The following FUT8 variants were observed in gnomAD, a reference collection of about 807,000 sequenced individuals.
FUT8 encodes the protein fucosyltransferase 8.
FUT8 carries 29 observed loss-of-function variants against 71.3 expected under a neutral mutation model. The observed-to-expected ratio is 0.41, with a 90% CI of 0.30 to 0.55. FUT8 has a LOEUF of 0.55. FUT8 is among the 20% of genes least tolerant of loss of function. FUT8 has a pLI of 0.34. For missense variants in FUT8, 544 were observed against 702.1 expected, an observed-to-expected ratio of 0.77 and a Z score of 2.55; for synonymous variants, 254 against 239.3, an observed-to-expected ratio of 1.06 and a Z score of -0.57.
At chr14:65,499,625 G>A (rs1403037963) in intron 2 of FUT8, among the ~76,000 whole-genome samples, 1 of 151,904 alleles carries the variant, frequency 6.6e-6, no homozygotes, top group Non-Finnish European at 1.5e-5. Flanking sequence ...ATAATTCTGA[G>A]CAACAAGCGA....
intron 2 of FUT8, among the ~76,000 whole-genome samples, chr14:65,518,805 C>T (rs1882886140): frequency 6.6e-6 from 1 of 152,194 alleles, no homozygotes; most frequent in Admixed American, 6.5e-5. Flanking sequence ...TAGGCATGAA[C>T]TACTGTGCCA....
At chr14:65,468,989 G>T (rs1221256496) in intron 2 of FUT8, among the ~76,000 whole-genome samples, 1 of 152,042 alleles carries the variant, frequency 6.6e-6, no homozygotes, top group Non-Finnish European at 1.5e-5. Flanking sequence ...TAGAAACAGG[G>T]TCTCCAATGT....
chr14:65,381,764 A>ACTT, the FUT8 span, among the ~76,000 whole-genome samples: 1 of 152,190 alleles, frequency 6.6e-6, no homozygotes, highest in South Asian at 2.1e-4. Context: ...TCTTCCAATA[A>ACTT]CTTCTTCTCT....
chr14:65,411,557 C>T (rs2065123611), upstream of FUT8: 2 of 172,112 alleles, frequency 1.2e-5, no homozygotes, highest in South Asian at 2.5e-4. Context: ...TGACAGGCCA[C>T]TGCCTCTTAA....
intron 7 of FUT8, among the ~76,000 whole-genome samples, chr14:65,682,353 T>C (rs963336442): frequency 1.3e-5 from 2 of 152,062 alleles, no homozygotes; most frequent in African/African-American, 4.8e-5. Context: ...TAAAATTTTT[T>C]TTAAATTAGC....
At position 65,742,280 on chromosome 14, in the gene FUT8, G is replaced by C; in HGVS notation, c.1598G>C (p.Gly533Ala). 1 of 1,613,072 alleles carries C rather than the reference G, an allele frequency of 6.2e-7. No homozygotes were observed. Among genetic ancestry groups the C allele is most frequent in the South Asian group, 1.1e-5 (1 of 91,060 alleles). Reference protein sequence around the residue: ...MEPGDIIGVAGNHWDGYSKGV... With the variant: ...MEPGDIIGVAANHWDGYSKGV... ...CCTGGAGATATCATTGGTGTGGCTG[G>C]AAATCATTGGGATGGCTATTCTAAA... The change falls in exon 11 of 11, where the codon GGA becomes GCA. Residue 533 changes from glycine to alanine, a missense_variant. Gly to Ala is a moderately conservative substitution (Grantham distance 60). Coordinates refer to ENST00000673929, the MANE Select transcript of FUT8 (RefSeq NM_001371533.1).
intron 3 of FUT8, among the ~76,000 whole-genome samples, chr14:65,615,690 T>A (rs1314947190): frequency 6.6e-6 from 1 of 152,308 alleles, no homozygotes; most frequent in East Asian, 1.9e-4. Context: ...CATGGTACTC[T>A]GGGGATGAAA....
chr14:65,533,019 GT>G (rs1273336196), intron 2 of FUT8, among the ~76,000 whole-genome samples: 1 of 151,920 alleles, frequency 6.6e-6, no homozygotes, highest in Non-Finnish European at 1.5e-5. Flanking sequence ...GTTTTGTTTT[GT>G]TTGTTTACCA....
At chr14:65,542,615 C>T (rs568166984) in intron 2 of FUT8, among the ~76,000 whole-genome samples, 2 of 152,118 alleles carry the variant, frequency 1.3e-5, no homozygotes, top group Non-Finnish European at 2.9e-5. Context: ...GCTTTCATGT[C>T]TCTTGTATGA....
chr14:65,404,194 C>T, the FUT8 span, among the ~76,000 whole-genome samples: 1 of 147,448 alleles, frequency 6.8e-6, no homozygotes, highest in African/African-American at 2.5e-5. Context: ...TTCTTTGAGA[C>T]AGAGTCTCAC....
chr14:65,415,282 T>C (rs1211737202), intron 1 of FUT8, among the ~76,000 whole-genome samples: 1 of 152,170 alleles, frequency 6.6e-6, no homozygotes, highest in Non-Finnish European at 1.5e-5. Flanking sequence ...AAATTTTTAA[T>C]TAAAAGAGTA....
intron 3 of FUT8, among the ~76,000 whole-genome samples, chr14:65,597,647 G>A (rs1040760831): frequency 6.6e-6 from 1 of 151,088 alleles, no homozygotes; most frequent in Non-Finnish European, 1.5e-5. Flanking sequence ...ATAAATAAAA[G>A]AAGAAGAATG....
chr14:65,366,691 G>A, the FUT8 span, among the ~76,000 whole-genome samples: 1 of 152,158 alleles, frequency 6.6e-6, no homozygotes, highest in African/African-American at 2.4e-5. Context: ...TTACTATAGT[G>A]TCGTATCTTA....
Position 65,643,179 on chromosome 14 carries a change from T to A in FUT8, c.597+13573T>A, listed in dbSNP as rs903785920. Among the ~76,000 whole-genome samples, 8 of 152,192 alleles carry A rather than the reference T, an allele frequency of 5.3e-5. No homozygotes were observed. Among genetic ancestry groups the A allele is most frequent in the Admixed American group, 2.0e-4 (3 of 15,276 alleles). ...CCTAATGGTAATGAAGGAATTTTTT[T>A]AATTCCTGAGAGTACACTCACTAAG... On this transcript the variant is annotated intron_variant, in intron 6 of 10. Coordinates refer to ENST00000673929, the MANE Select transcript of FUT8 (RefSeq NM_001371533.1). This position sits in a 1 kb window ranked among gnomAD's most constrained non-coding sequence, Gnocchi z 4.5.
intron 5 of FUT8, among the ~76,000 whole-genome samples, chr14:65,623,980 A>C (rs375560953): frequency 2.0e-5 from 3 of 152,148 alleles, no homozygotes; most frequent in Admixed American, 1.3e-4. Flanking sequence ...GAGTTACTGA[A>C]AACCCAGGGC....
At chr14:65,606,197 C>A (rs573229359) in intron 3 of FUT8, among the ~76,000 whole-genome samples, 3 of 151,144 alleles carry the variant, frequency 2.0e-5, no homozygotes, top group Non-Finnish European at 4.4e-5. Context: ...CTCAGCCTCC[C>A]GAGTAGTTGG....
chr14:65,618,278 G>A (rs1309928078), intron 5 of FUT8, among the ~76,000 whole-genome samples: 11 of 151,570 alleles, frequency 7.3e-5, no homozygotes, highest in Non-Finnish European at 1.5e-5. Flanking sequence ...TATGTTTTGT[G>A]ACCATATGTA....
intron 3 of FUT8, among the ~76,000 whole-genome samples, chr14:65,590,117 T>G (rs1887610971): frequency 6.6e-6 from 1 of 152,188 alleles, no homozygotes; most frequent in Non-Finnish European, 1.5e-5. Flanking sequence ...GCATTTTTTT[T>G]GTTGAGAGCT....
chr14:65,495,796 G>A (rs1594699207), intron 2 of FUT8, among the ~76,000 whole-genome samples: 2 of 152,208 alleles, frequency 1.3e-5, no homozygotes, highest in East Asian at 1.9e-4. Flanking sequence ...TGTTGTGAAT[G>A]TAGTCTTGGT....
Sources: gnomAD v4.1 joint callset for allele counts (sites outside exome capture counted in the v4.1 genomes callset) on GRCh38, gnomAD v4.1.1 for gene constraint, Gnocchi (gnomAD v3.1) non-coding constraint, MANE v1.5 for transcripts, NCBI Gene and HGNC (gene_info 2026-07-23, HGNC 2026-07-21) for gene names.